Variants in FAM120B observed in about 807,000 individuals in gnomAD.
FAM120B encodes constitutive coactivator of peroxisome proliferator-activated receptor gamma.
FAM120B carries 83 observed loss-of-function variants against 96.3 expected under a neutral mutation model. The ratio of observed to expected loss-of-function variants is 0.86; its 90% CI spans 0.72 to 1.03. The LOEUF is 1.03. Ranked by LOEUF, FAM120B falls within the 50% of genes least tolerant of loss-of-function variation. FAM120B has a pLI of 0.00. For missense variants in FAM120B, 1,027 were observed against 1,121.2 expected, an observed-to-expected ratio of 0.92 and a Z score of 1.20; for synonymous variants, 407 against 402.7, an observed-to-expected ratio of 1.01 and a Z score of -0.13.
chr6:170,398,303 C>T (rs1778314201), intron 9 of FAM120B, among the ~76,000 whole-genome samples: 1 of 152,216 alleles, frequency 6.6e-6, no homozygotes, highest in Non-Finnish European at 1.5e-5. Context: ...AAGTGTAACT[C>T]TTAGGAGTCA....
chr6:170,306,623 G>C (rs1414037684), upstream of FAM120B: 2 of 152,192 alleles, frequency 1.3e-5, no homozygotes, highest in Admixed American at 1.3e-4. Context: ...CGCGTCCGCT[G>C]TCCGCGCCTG....
upstream of FAM120B, among the ~76,000 whole-genome samples, chr6:170,294,218 C>G (rs1783948618): frequency 6.6e-6 from 1 of 152,198 alleles, no homozygotes; most frequent in African/African-American, 2.4e-5. The surrounding 1 kb of genome is among the most constrained non-coding windows in gnomAD (Gnocchi z 7.9). Flanking sequence ...CACTATAAAT[C>G]CTCACCTTGC....
chr6:170,341,065 G>T (rs113130442), intron 4 of FAM120B, among the ~76,000 whole-genome samples: 1 of 152,216 alleles, frequency 6.6e-6, no homozygotes, highest in Non-Finnish European at 1.5e-5. Context: ...CTGCAGAGCC[G>T]TCAGGCAGGA....
chr6:170,314,345 T>C (rs1322291266), intron 1 of FAM120B, among the ~76,000 whole-genome samples: 1 of 152,222 alleles, frequency 6.6e-6, no homozygotes, highest in Non-Finnish European at 1.5e-5. Flanking sequence ...TATACTGTCC[T>C]TGGATTAATT....
chr6:170,370,790 T>C lies in FAM120B; in HGVS notation c.2283+12472T>C, dbSNP rs933918465. 3.3e-5 allele frequency among the ~76,000 whole-genome samples: 5 copies of C among 152,202 alleles called. No individual in the cohort carries two copies. The highest frequency in any genetic ancestry group is 5.9e-5 in the Non-Finnish European group (4 of 68,038). ...GTTTCTTCCTGTAGCTTTACATGTA[T>C]AAATACAATTATTCCTATTCTTCAT... is the stretch of plus-strand genomic sequence containing the variant. On this transcript the variant is annotated intron_variant, in intron 6 of 10. Coordinates refer to ENST00000476287, the MANE Select transcript of FAM120B (RefSeq NM_032448.3). This position sits in a 1 kb window ranked among gnomAD's most constrained non-coding sequence, Gnocchi z 4.3.
At chr6:170,295,117 C>G (rs1457303351), upstream of FAM120B, among the ~76,000 whole-genome samples, 1 of 152,222 alleles carries the variant, frequency 6.6e-6, no homozygotes, top group East Asian at 1.9e-4. The surrounding 1 kb of genome is among the most constrained non-coding windows in gnomAD (Gnocchi z 7.8). Flanking sequence ...AATGGACCTG[C>G]TGGCTGCCAC....
chr6:170,313,396 C>G (rs1784712317), intron 1 of FAM120B, among the ~76,000 whole-genome samples: 1 of 151,970 alleles, frequency 6.6e-6, no homozygotes. Context: ...GGGCCCAGGC[C>G]CAGCCAGAAG....
upstream of FAM120B, among the ~76,000 whole-genome samples, chr6:170,293,703 A>C (rs1288348401): frequency 1.1e-3 from 134 of 124,852 alleles, no homozygotes; most frequent in African/African-American, 1.3e-3. Flanking sequence ...TCTTTCTCCT[A>C]CTCCACCTCC....
chr6:170,309,639 G>A (rs140497078), intron 1 of FAM120B, among the ~76,000 whole-genome samples: 71 of 152,300 alleles, frequency 4.7e-4, no homozygotes, highest in Middle Eastern at 6.8e-3. Context: ...TGTTAATACT[G>A]TTCCTATTAG....
intron 4 of FAM120B, among the ~76,000 whole-genome samples, chr6:170,344,555 G>C (rs1350326992): frequency 6.6e-6 from 1 of 151,980 alleles, no homozygotes; most frequent in Non-Finnish European, 1.5e-5. Flanking sequence ...CTGCACCGTT[G>C]CCTGCGGTGC....
Position 170,317,664 on chromosome 6 carries a change from A to G in FAM120B, c.274A>G (p.Met92Val), listed in dbSNP as rs1173483339. 7 of 1,614,090 alleles carry G rather than the reference A, an allele frequency of 4.3e-6. No homozygotes were observed. The highest frequency in any genetic ancestry group is 1.1e-5 in the South Asian group (1 of 91,088). ...GIKLIFFFDG[M>V]VEQDKRDEWV... Reference sequence around the variant, plus strand: ...CAAGTTGATATTCTTCTTTGATGGCATGGTGGAGCAGGATAAGAGAGATGA... The same window carrying G: ...CAAGTTGATATTCTTCTTTGATGGCGTGGTGGAGCAGGATAAGAGAGATGA... Residue 92 changes from methionine (M) to valine (V), a missense_variant, in exon 2 of 11, where the codon ATG (methionine) becomes GTG (valine). By Grantham distance (21) the Met-to-Val change is conservative. This residue lies in a region of FAM120B where 880 missense variants were observed against 980.9 expected (regional missense o/e 0.90). Coordinates refer to ENST00000476287, the MANE Select transcript of FAM120B (RefSeq NM_032448.3).
chr6:170,371,855 A>G (rs1364736188), intron 6 of FAM120B, among the ~76,000 whole-genome samples: 1 of 152,186 alleles, frequency 6.6e-6, no homozygotes, highest in Non-Finnish European at 1.5e-5. Flanking sequence ...GCCAGCTGCC[A>G]CCCTCAGGCT....
At chr6:170,403,827 A>G (rs539192453) in intron 9 of FAM120B, among the ~76,000 whole-genome samples, 1 of 152,352 alleles carries the variant, frequency 6.6e-6, no homozygotes, top group South Asian at 2.1e-4. Flanking sequence ...GTGGGGGCAG[A>G]GTAACAAGGG....
intron 6 of FAM120B, among the ~76,000 whole-genome samples, chr6:170,381,436 C>T (rs1055502959): frequency 2.6e-5 from 4 of 152,038 alleles, no homozygotes; most frequent in African/African-American, 4.8e-5. Flanking sequence ...AGGTGTCACT[C>T]GGTAATTTAC....
rs1404776667 is a variant in FAM120B, at chr6:170,324,098, C to G, written c.1915+839C>G. 2.0e-5 allele frequency among the ~76,000 whole-genome samples: 3 copies of G among 152,110 alleles called. No individual in the cohort carries two copies. In the East Asian group the frequency reaches 5.8e-4, roughly 29 times the overall value. ...GATACTGGTGCAGGTGGTCCATTTG[C>G]CTAAACATCATTATTTCCAGACATG... On this transcript the variant is annotated intron_variant, in intron 3 of 10. Coordinates refer to ENST00000476287, the MANE Select transcript of FAM120B (RefSeq NM_032448.3).
Position 170,318,233 on chromosome 6 carries a change from G to GA in FAM120B, c.849dup (p.Leu284IlefsTer16), listed in dbSNP as rs1785031707. On this transcript the variant is annotated frameshift_variant, in exon 2 of 11. Coordinates refer to ENST00000476287, the MANE Select transcript of FAM120B (RefSeq NM_032448.3). LOFTEE classifies it high-confidence loss of function. ...AAGTTCTTTACTTGTATCAAGGTGA[G>GA]AAAAAATTAGAAGAGATATTACCTC... 6.2e-7 allele frequency: 1 copy of GA among 1,613,558 alleles called. No homozygotes were observed. The highest frequency in any genetic ancestry group is 8.5e-7 in the Non-Finnish European group (1 of 1,179,922).
intron 1 of FAM120B, among the ~76,000 whole-genome samples, chr6:170,298,875 A>G (rs1672253612): frequency 1.3e-5 from 2 of 152,196 alleles, no homozygotes; most frequent in South Asian, 4.1e-4. Context: ...CCAAGGAGCC[A>G]ACCACTCTCC....
chr6:170,400,756 C>G (rs1229964814), intron 9 of FAM120B, among the ~76,000 whole-genome samples: 1 of 152,190 alleles, frequency 6.6e-6, no homozygotes, highest in Non-Finnish European at 1.5e-5. Flanking sequence ...AAAAATAAAG[C>G]AATGTCCGTC....
At chr6:170,291,072 G>A, upstream of FAM120B, 1 of 701,584 alleles carries the variant, frequency 1.4e-6, no homozygotes. Flanking sequence ...ATCGCCAAAT[G>A]GTCAGTGAGC....
Sources: allele counts gnomAD v4.1 joint callset (sites outside exome capture counted in the v4.1 genomes callset), GRCh38; gene constraint gnomAD v4.1.1; regional missense constraint gnomAD v4.1.1; non-coding constraint Gnocchi (gnomAD v3.1); transcripts MANE v1.5; gene names NCBI Gene and HGNC (gene_info 2026-07-23, HGNC 2026-07-21).